ADK: variants seen among roughly 807,000 people sequenced by gnomAD.
ADK encodes N6,N6-dimethyladenosine kinase.
In ADK, 24 loss-of-function variants were observed where a neutral mutation model predicts 44.7. The observed-to-expected ratio is 0.54, with a 90% CI of 0.39 to 0.76. ADK has a LOEUF of 0.76. Among genes scored for constraint, ADK ranks in the 30% least tolerant of loss-of-function variants. ADK has a pLI of 0.00. For synonymous variants in ADK, 128 were observed against 142.6 expected, an observed-to-expected ratio of 0.90 and a Z score of 0.73; for missense variants, 321 against 425.1, an observed-to-expected ratio of 0.76 and a Z score of 2.15.
chr10:74,408,192 C>T (rs1252041223), intron 6 of ADK, among the ~76,000 whole-genome samples: 31 of 150,176 alleles, frequency 2.1e-4, no homozygotes, highest in African/African-American at 7.1e-4. Flanking sequence ...GAGGTTTCAC[C>T]ATTTTGGCTA....
intron 7 of ADK, among the ~76,000 whole-genome samples, chr10:74,562,174 A>G (rs1351266023): frequency 6.6e-6 from 1 of 152,206 alleles, no homozygotes; most frequent in African/African-American, 2.4e-5. Flanking sequence ...ACTGTGGAAA[A>G]CATAGTTACA....
At chr10:74,345,318 TC>T (rs1230408140) in intron 4 of ADK, among the ~76,000 whole-genome samples, 43 of 140,994 alleles carry the variant, frequency 3.0e-4, no homozygotes, top group African/African-American at 1.1e-3. Context: ...TTTTTTTTTT[TC>T]CCAGACAGGG....
chr10:74,622,726 G>C (rs1039154129), intron 9 of ADK, among the ~76,000 whole-genome samples: 1 of 152,108 alleles, frequency 6.6e-6, no homozygotes, highest in South Asian at 2.1e-4. Context: ...ACCCAGCCTC[G>C]GCCTGGTGCG....
At chr10:74,368,558 G>C (rs890894363) in intron 4 of ADK, among the ~76,000 whole-genome samples, 4 of 151,944 alleles carry the variant, frequency 2.6e-5, no homozygotes, top group Admixed American at 2.6e-4. Context: ...ATAAATGTTA[G>C]TGGTTTCATG....
chr10:74,302,584 G>A (rs773395206), intron 3 of ADK, among the ~76,000 whole-genome samples: 1 of 152,014 alleles, frequency 6.6e-6, no homozygotes, highest in Non-Finnish European at 1.5e-5. Context: ...CTTGAGTCCA[G>A]GAGTTCAAAA....
At chr10:74,242,973 T>C (rs951303830) in intron 3 of ADK, among the ~76,000 whole-genome samples, 30 of 152,180 alleles carry the variant, frequency 2.0e-4, no homozygotes. Flanking sequence ...ATCCTTCAAG[T>C]GTCTGCATCA....
intron 10 of ADK, 124 bp from the exon 11 acceptor site, chr10:74,708,197 C>A: frequency 4.4e-6 from 4 of 915,386 alleles, no homozygotes; most frequent in Non-Finnish European, 6.8e-6. Context: ...ACGCACAAGA[C>A]TTTCTCTTAC....
chr10:74,560,214 C>T (rs1327726502), intron 7 of ADK, among the ~76,000 whole-genome samples: 1 of 152,220 alleles, frequency 6.6e-6, no homozygotes, highest in Non-Finnish European at 1.5e-5. Context: ...CCACCATACC[C>T]AGCCTGTCTG....
intron 3 of ADK, among the ~76,000 whole-genome samples, chr10:74,269,799 C>A (rs531682282): frequency 6.6e-6 from 1 of 152,162 alleles, no homozygotes; most frequent in South Asian, 2.1e-4. Context: ...GAGTTCAAGA[C>A]CAGCCTGGCC....
At chr10:74,590,399 T>C (rs1429552853) in intron 8 of ADK, among the ~76,000 whole-genome samples, 1 of 152,144 alleles carries the variant, frequency 6.6e-6, no homozygotes, top group Non-Finnish European at 1.5e-5. Context: ...TGAAACTCTT[T>C]TTAAATGTAG....
At chr10:74,626,302 ATTTTTTT>A (rs571501922) in intron 9 of ADK, among the ~76,000 whole-genome samples, 4 of 139,838 alleles carry the variant, frequency 2.9e-5, no homozygotes, top group Admixed American at 1.4e-4. Flanking sequence ...AAGAGTCTAA[ATTTTTTT>A]TTTTTTTTTT....
chr10:74,653,487 T>A (rs1479558679), intron 9 of ADK, among the ~76,000 whole-genome samples: 1 of 151,534 alleles, frequency 6.6e-6, no homozygotes, highest in Non-Finnish European at 1.5e-5. Flanking sequence ...ATGCGTATGA[T>A]CCTTAAAATA....
chr10:74,695,546 T>C (rs1856154145), intron 10 of ADK, among the ~76,000 whole-genome samples: 1 of 151,448 alleles, frequency 6.6e-6, no homozygotes, highest in African/African-American at 2.4e-5. Context: ...ATGTATATTC[T>C]ATATACAAAG....
At chr10:74,506,329 G>T in intron 6 of ADK, 3 of 266,322 alleles carry the variant, frequency 1.1e-5, no homozygotes, top group Non-Finnish European at 7.5e-6. Context: ...CTCAATCTAC[G>T]GTACATATCA....
intron 6 of ADK, among the ~76,000 whole-genome samples, chr10:74,453,920 G>A (rs1845856954): frequency 6.6e-6 from 1 of 152,036 alleles, no homozygotes; most frequent in African/African-American, 2.4e-5. Context: ...AATTCAAAAA[G>A]CACATAGTGT....
At position 74,356,002 on chromosome 10, in the gene ADK, A is replaced by ATTTTG. The variant is rs772603788; in HGVS notation, c.274-38135_274-38134insGTTTT. Among the ~76,000 whole-genome samples, 4 of 83,310 alleles carry ATTTTG rather than the reference A, an allele frequency of 4.8e-5. 1 individual carries two copies. Among genetic ancestry groups the ATTTTG allele is most frequent in the African/African-American group, 2.0e-4 (4 of 19,592 alleles). 54.7% of individuals were successfully genotyped at this position (83,310 alleles called of 152,430 possible). A position where few individuals can be genotyped will look rare whatever the true frequency, so the allele number is the denominator to read the frequency against. On this transcript the variant is annotated intron_variant, in intron 4 of 10. Coordinates refer to ENST00000539909, the MANE Select transcript of ADK (RefSeq NM_006721.4). ...TCTGAAATATTTCACTAAATAATTC[A>ATTTTG]TTTTTTTTTTTTTTTTTTTTTTTTT...
intron 5 of ADK, among the ~76,000 whole-genome samples, chr10:74,396,990 C>A (rs886785900): frequency 1.3e-5 from 2 of 150,072 alleles, no homozygotes; most frequent in African/African-American, 2.4e-5. Context: ...TTTTATTTTT[C>A]TTTTGGAGAA....
chr10:74,316,842 G>A (rs548237729), intron 4 of ADK, among the ~76,000 whole-genome samples: 23 of 151,880 alleles, frequency 1.5e-4, no homozygotes, highest in African/African-American at 5.1e-4. Context: ...CTTTCTCCCT[G>A]ATATTAGTCT....
rs539529894 is a variant in ADK, at chr10:74,278,729, T to C, written c.195-35938T>C. On this transcript the variant is annotated intron_variant, in intron 3 of 10. Transcript: ENST00000539909. ...CAGGCAGAAGTACAGTGACTGTTTA[T>C]AGGCATGATGATAGCACACTACATC... is the stretch of plus-strand genomic sequence containing the variant. Among the ~76,000 whole-genome samples the C allele has an allele frequency of 3.9e-5, 6 of 152,292 alleles. No individual in the cohort carries two copies. The South Asian group carries it at 1.2e-3, about 32-fold the overall frequency.
Sources: allele counts gnomAD v4.1 joint callset (sites outside exome capture counted in the v4.1 genomes callset), GRCh38; gene constraint gnomAD v4.1.1; transcripts MANE v1.5; gene names NCBI Gene and HGNC (gene_info 2026-07-23, HGNC 2026-07-21).